Variants in ANKS1B observed in about 807,000 individuals in gnomAD.
ANKS1B encodes the protein ankyrin repeat and sterile alpha motif domain-containing protein 1B.
ANKS1B carries 36 observed loss-of-function variants against 148.3 expected under a neutral mutation model. The observed-to-expected ratio is 0.24, with a 90% CI of 0.19 to 0.32. The LOEUF (loss-of-function observed/expected upper bound fraction) is 0.32, where lower values mean the gene tolerates loss of function less well. ANKS1B is among the 10% of genes least tolerant of loss of function. The pLI is 1.00. For synonymous variants in ANKS1B, 542 were observed against 560.8 expected (o/e 0.97, Z 0.47); for missense variants, 1,157 against 1,542.6 (o/e 0.75, Z 4.19).
At chr12:99,278,150 G>C (rs2077920473) in intron 12 of ANKS1B, among the ~76,000 whole-genome samples, 1 of 152,190 alleles carries the variant, frequency 6.6e-6, no homozygotes, top group African/African-American at 2.4e-5. Flanking sequence ...CATTTCTCTA[G>C]CTCCCTTCAT....
intron 14 of ANKS1B, among the ~76,000 whole-genome samples, chr12:99,167,494 C>T (rs1463594670): frequency 6.6e-6 from 1 of 152,082 alleles, no homozygotes; most frequent in Non-Finnish European, 1.5e-5. Flanking sequence ...CATCACTAGC[C>T]ATTAGGAAAA....
intron 9 of ANKS1B, among the ~76,000 whole-genome samples, chr12:99,579,623 G>A (rs948212037): frequency 1.3e-5 from 2 of 152,144 alleles, no homozygotes; most frequent in Non-Finnish European, 2.9e-5. Context: ...AATCATCAGA[G>A]AAATGCAAAT....
intron 12 of ANKS1B, among the ~76,000 whole-genome samples, chr12:99,316,197 T>A (rs1036565058): frequency 6.6e-6 from 1 of 152,206 alleles, no homozygotes; most frequent in Non-Finnish European, 1.5e-5. Context: ...GTAATGGGAT[T>A]GCTGGGTCAA....
At chr12:99,856,604 C>T (rs1241900769) in intron 1 of ANKS1B, among the ~76,000 whole-genome samples, 1 of 152,060 alleles carries the variant, frequency 6.6e-6, no homozygotes, top group East Asian at 1.9e-4. Flanking sequence ...AGACCAATAA[C>T]CCTGATGAAC....
intron 10 of ANKS1B, 33 bp from the exon 11 acceptor site, chr12:99,443,842 A>G: frequency 1.3e-6 from 2 of 1,581,128 alleles, no homozygotes; most frequent in Non-Finnish European, 1.7e-6. Flanking sequence ...CATGAACCTA[A>G]TCACTCAGTT....
intron 12 of ANKS1B, among the ~76,000 whole-genome samples, chr12:99,320,677 A>G: frequency 6.6e-6 from 1 of 152,116 alleles, no homozygotes; most frequent in East Asian, 1.9e-4. Context: ...ATTACTGATC[A>G]TCTGAAGCCT....
chr12:99,544,555 A>G (rs935069281), intron 9 of ANKS1B, among the ~76,000 whole-genome samples: 1 of 152,200 alleles, frequency 6.6e-6, no homozygotes, highest in Non-Finnish European at 1.5e-5. Context: ...AGAACACAGT[A>G]TGAGCTTTCT....
intron 23 of ANKS1B, 48 bp downstream of exon 23, chr12:98,782,078 C>T (rs1391698213): frequency 7.2e-6 from 11 of 1,527,096 alleles, no homozygotes; most frequent in Admixed American, 1.8e-5. Flanking sequence ...CTTCATTGCC[C>T]TCTATATATA....
chr12:99,455,794 C>T (rs964849432), intron 10 of ANKS1B, among the ~76,000 whole-genome samples: 3 of 152,072 alleles, frequency 2.0e-5, no homozygotes, highest in East Asian at 3.9e-4. Flanking sequence ...AGCTCAGACA[C>T]ACCTAACCCT....
chr12:99,414,344 T>C (rs2094823443), intron 11 of ANKS1B, among the ~76,000 whole-genome samples: 1 of 152,184 alleles, frequency 6.6e-6, no homozygotes, highest in Admixed American at 6.5e-5. Flanking sequence ...CTTTCCCTTC[T>C]TAGACATCAC....
In ANKS1B at chr12:99,824,437, T is replaced by C. The variant is rs138073539; in HGVS notation, c.215+872A>G. Among the ~76,000 whole-genome samples, 256 of 151,804 alleles carry C rather than the reference T, an allele frequency of 1.7e-3. 8 individuals carry two copies. The East Asian group carries it at 0.042, about 25-fold the overall frequency. On this transcript the variant is annotated intron_variant, in intron 2 of 26. Transcript: ENST00000683438. ...ATAACTTGAATCCAGGAGGCGGAGG[T>C]TGCAGTGAGCCACGATTGTGCCACT...
intron 9 of ANKS1B, among the ~76,000 whole-genome samples, chr12:99,576,481 G>T (rs2097521535): frequency 6.6e-6 from 1 of 151,992 alleles, no homozygotes; most frequent in South Asian, 2.1e-4. Flanking sequence ...CACACACTTG[G>T]CTGTAAAGCA....
At chr12:99,507,685 C>T (rs144626141) in intron 9 of ANKS1B, among the ~76,000 whole-genome samples, 1 of 151,782 alleles carries the variant, frequency 6.6e-6, no homozygotes, top group Non-Finnish European at 1.5e-5. Flanking sequence ...GAAGGTGAGG[C>T]CCCCGCGGGA....
intron 9 of ANKS1B, among the ~76,000 whole-genome samples, chr12:99,593,179 GC>G (rs779196124): frequency 6.6e-6 from 1 of 152,040 alleles, no homozygotes. Flanking sequence ...GCCAGAACCA[GC>G]TTTTCAGGTT....
At chr12:99,509,801 A>G (rs1420095950) in intron 9 of ANKS1B, among the ~76,000 whole-genome samples, 1 of 151,990 alleles carries the variant, frequency 6.6e-6, no homozygotes, top group Non-Finnish European at 1.5e-5. Context: ...AGAAGATGTC[A>G]TTTAGGACTT....
intron 12 of ANKS1B, among the ~76,000 whole-genome samples, chr12:99,342,267 A>G (rs1327391841): frequency 6.6e-6 from 1 of 152,034 alleles, no homozygotes; most frequent in Non-Finnish European, 1.5e-5. Context: ...TTTCCTAGGG[A>G]AGCTGTTTGA....
intron 9 of ANKS1B, among the ~76,000 whole-genome samples, chr12:99,645,716 T>A (rs1474692941): frequency 6.6e-6 from 1 of 152,210 alleles, no homozygotes; most frequent in Admixed American, 6.5e-5. Flanking sequence ...TTTAGCTATC[T>A]GAGCTTCTCA....
intron 14 of ANKS1B, among the ~76,000 whole-genome samples, chr12:99,243,103 G>A (rs530357985): frequency 1.3e-5 from 2 of 152,290 alleles, no homozygotes; most frequent in African/African-American, 4.8e-5. Context: ...TACAGAATGC[G>A]AGAAAATTTT....
At chr12:99,271,576 A>G (rs2077040083) in intron 12 of ANKS1B, among the ~76,000 whole-genome samples, 1 of 150,254 alleles carries the variant, frequency 6.7e-6, no homozygotes, top group African/African-American at 2.4e-5. Flanking sequence ...CCATAACATC[A>G]ATAATTAAAA....
Sources: allele counts gnomAD v4.1 joint callset (sites outside exome capture counted in the v4.1 genomes callset), GRCh38; gene constraint gnomAD v4.1.1; transcripts MANE v1.5; gene names NCBI Gene and HGNC (gene_info 2026-07-23, HGNC 2026-07-21).